Variants in PICK1 observed in about 807,000 individuals in gnomAD.
PICK1 encodes the protein protein interacting with PRKCA 1.
In PICK1, 23 loss-of-function variants were observed where a neutral mutation model predicts 48.9. That is an observed-to-expected ratio of 0.47 (90% confidence interval 0.34 to 0.67). The LOEUF is 0.67. PICK1 is among the 30% of genes least tolerant of loss of function. The probability of loss-of-function intolerance (pLI) is 0.01; values close to 1 mark genes in which losing one functional copy is unlikely to be tolerated. For synonymous variants in PICK1, 217 were observed against 228.2 expected (o/e 0.95, Z 0.44); for missense variants, 423 against 557.1 (o/e 0.76, Z 2.42).
chr22:38,071,819 T>A, intron 8 of PICK1, 75 bp downstream of exon 8: 1 of 1,329,120 alleles, frequency 7.5e-7, no homozygotes, highest in Non-Finnish European at 1.1e-6. Flanking sequence ...CTGAGGTGGG[T>A]CAGACCCACA....
chr22:38,071,019 A>C (rs2085667425), intron 7 of PICK1, 128 bp downstream of exon 7: 1 of 755,978 alleles, frequency 1.3e-6, no homozygotes, highest in South Asian at 1.4e-5. Flanking sequence ...GGGCATTAAG[A>C]GTTCTTAAGA....
At chr22:38,064,380 T>C (rs1363069162) in intron 3 of PICK1, among the ~76,000 whole-genome samples, 1 of 152,156 alleles carries the variant, frequency 6.6e-6, no homozygotes, top group Non-Finnish European at 1.5e-5. Context: ...TTGTATGTGG[T>C]GTTAAGTAGT....
chr22:38,063,302 A>T (rs936291071), intron 3 of PICK1, among the ~76,000 whole-genome samples: 7 of 150,258 alleles, frequency 4.7e-5, no homozygotes, highest in African/African-American at 1.7e-4. Context: ...GACTACAGGC[A>T]CGCGCCACCA....
chr22:38,059,604 T>C (rs542843734), intron 3 of PICK1, among the ~76,000 whole-genome samples: 20 of 152,342 alleles, frequency 1.3e-4, no homozygotes, highest in African/African-American at 4.1e-4. Flanking sequence ...CTGAGGGCAG[T>C]GTCCTGGTTT....
Position 38,057,820 on chromosome 22 carries a change from A to C in PICK1, c.11A>C (p.Asp4Ala). ...CCAACTCTCGGAACCATGTTTGCAG[A>C]CTTGGATTATGACATCGAAGAGGAT... MFADLDYDIEEDKL... is the reference protein window; with the variant it reads MFAALDYDIEEDKL... Residue 4 changes from aspartate to alanine, a missense_variant, in exon 2 of 13, where the codon GAC (aspartate) becomes GCC (alanine). By Grantham distance (126) the Asp-to-Ala change is moderately radical. This residue lies in a region of PICK1 where 279 missense variants were observed against 417.8 expected (regional missense o/e 0.67). Transcript: ENST00000356976. The C allele has an allele frequency of 6.2e-7, 1 of 1,614,056 alleles. No homozygotes were observed. The highest frequency in any genetic ancestry group is 8.5e-7 in the Non-Finnish European group (1 of 1,179,894).
intron 3 of PICK1, among the ~76,000 whole-genome samples, chr22:38,061,156 A>G (rs1312090976): frequency 1.3e-5 from 2 of 152,092 alleles, no homozygotes; most frequent in African/African-American, 4.8e-5. Flanking sequence ...AGCTTGGCCA[A>G]CATGGTGAAA....
rs550536472 is a variant in PICK1, at chr22:38,066,931, C to T, written c.283-773C>T. 3.9e-4 allele frequency among the ~76,000 whole-genome samples: 60 copies of T among 152,312 alleles called. No homozygotes were observed. Among genetic ancestry groups the T allele is most frequent in the Admixed American group, 1.1e-3 (17 of 15,304 alleles). On this transcript the variant is annotated intron_variant, in intron 4 of 12. Transcript: ENST00000356976. This position sits in a 1 kb window ranked among gnomAD's most constrained non-coding sequence, Gnocchi z 4.1. Reference sequence around the variant, plus strand: ...CCTGATTCGCATCAGCCTTGCGGGGCTGGGGCTGCCCCTGCCCCTCCCCTT... The same window carrying T: ...CCTGATTCGCATCAGCCTTGCGGGGTTGGGGCTGCCCCTGCCCCTCCCCTT...
At chr22:38,072,803 C>A (rs1385685353) in intron 9 of PICK1, among the ~76,000 whole-genome samples, 193 bp downstream of exon 9, 1 of 152,078 alleles carries the variant, frequency 6.6e-6, no homozygotes, top group Non-Finnish European at 1.5e-5. Flanking sequence ...GGCTTCTGAC[C>A]CTGGCTCGCC....
chr22:38,072,469 TC>T lies in PICK1; in HGVS notation c.557-6del, dbSNP rs1264548631. ...AGGGGCAGCCTTCAAGGCAAACTTG[TC>T]CTGCAGCCTTTGGGGACGTGTTCTC... On this transcript the variant is annotated splice_polypyrimidine_tract_variant and splice_region_variant and intron_variant, in intron 8 of 12. Coordinates refer to ENST00000356976, the MANE Select transcript of PICK1 (RefSeq NM_012407.4). The T allele has an allele frequency of 1.9e-6, 3 of 1,612,040 alleles. No homozygotes were observed. The African/African-American group carries it at 4.0e-5, about 22-fold the overall frequency.
At chr22:38,063,235 C>T (rs909109457) in intron 3 of PICK1, among the ~76,000 whole-genome samples, 2 of 151,878 alleles carry the variant, frequency 1.3e-5, no homozygotes, top group Non-Finnish European at 2.9e-5. Flanking sequence ...TGGCTCACTG[C>T]AGCCTCAACC....
At chr22:38,064,310 G>A (rs538895352) in intron 3 of PICK1, among the ~76,000 whole-genome samples, 6 of 152,020 alleles carry the variant, frequency 3.9e-5, no homozygotes, top group Non-Finnish European at 7.4e-5. Flanking sequence ...TGCCTGCCTT[G>A]GCCTCCCAGA....
intron 3 of PICK1, among the ~76,000 whole-genome samples, chr22:38,064,795 C>T (rs1442728422): frequency 6.6e-6 from 1 of 152,104 alleles, no homozygotes; most frequent in African/African-American, 2.4e-5. Context: ...GTATTTGAGG[C>T]AGGAGAATTG....
At chr22:38,072,916 C>T (rs2085737427) in intron 9 of PICK1, 84 bp from the exon 10 acceptor site, 7 of 946,558 alleles carry the variant, frequency 7.4e-6, no homozygotes, top group Middle Eastern at 2.1e-4. Flanking sequence ...AGTCCACCAA[C>T]AAGGGTGACG....
rs564234300 is a variant in PICK1 at position 38,071,005 on chromosome 22, C to G, written c.493+114C>G. The G allele has an allele frequency of 1.1e-4, 90 of 817,340 alleles. 1 individual carries two copies. In the South Asian group the frequency reaches 1.1e-3, roughly 10 times the overall value. The allele number at this position is 817,340 out of a possible 1,614,324, so 50.6% of individuals were successfully genotyped here. On this transcript the variant is annotated intron_variant, in intron 7 of 12. Transcript: ENST00000356976. ...AATGCCAGCCTACAAAATACTAGGA[C>G]CATGGGCATTAAGAGTTCTTAAGAA...
chr22:38,059,468 G>T (rs2085347408), intron 3 of PICK1, 123 bp downstream of exon 3: 1 of 740,824 alleles, frequency 1.3e-6, no homozygotes, highest in African/African-American at 1.7e-5. Flanking sequence ...CCTCTCAGAG[G>T]GGCTTTCTGA....
chr22:38,060,921 G>A (rs538861593), intron 3 of PICK1, among the ~76,000 whole-genome samples: 3 of 151,768 alleles, frequency 2.0e-5, no homozygotes, highest in African/African-American at 7.3e-5. Flanking sequence ...GCTAATTTTC[G>A]TATTTGTAGG....
intron 3 of PICK1, among the ~76,000 whole-genome samples, chr22:38,060,651 C>T (rs1256879875): frequency 2.6e-5 from 4 of 152,186 alleles, no homozygotes; most frequent in African/African-American, 9.7e-5. Flanking sequence ...CAGGCCTGGC[C>T]TCCTGGCCGT....
rs187552006 is a variant in PICK1, at chr22:38,063,281, C to T, written c.154-1721C>T. 1.5e-3 allele frequency among the ~76,000 whole-genome samples: 235 copies of T among 152,090 alleles called. 1 individual carries two copies. Among genetic ancestry groups the T allele is most frequent in the African/African-American group, 5.4e-3 (224 of 41,474 alleles). On this transcript the variant is annotated intron_variant, in intron 3 of 12. Transcript: ENST00000356976. ...AAGCGATCCTCCCACCTCAGACCCC[C>T]GAGTAGCTGGGACTACAGGCACGCG...
At chr22:38,062,975 G>C (rs1331847554) in intron 3 of PICK1, among the ~76,000 whole-genome samples, 1 of 152,038 alleles carries the variant, frequency 6.6e-6, no homozygotes, top group East Asian at 1.9e-4. Context: ...TTTGTCCCTG[G>C]TGTTGGGAGG....
Sources: allele counts gnomAD v4.1 joint callset (sites outside exome capture counted in the v4.1 genomes callset), GRCh38; gene constraint gnomAD v4.1.1; regional missense constraint gnomAD v4.1.1; non-coding constraint Gnocchi (gnomAD v3.1); transcripts MANE v1.5; gene names NCBI Gene and HGNC (gene_info 2026-07-23, HGNC 2026-07-21).